The following PCDHA1 variants were observed in gnomAD, a reference collection of about 807,000 sequenced individuals.
PCDHA1 encodes the protein protocadherin alpha 1.
Under a neutral mutation model 61.3 loss-of-function variants are expected in PCDHA1, and 42 were observed. The ratio of observed to expected loss-of-function variants is 0.69; its 90% CI spans 0.54 to 0.89. The LOEUF is 0.89. Among genes scored for constraint, PCDHA1 ranks in the 40% least tolerant of loss-of-function variants. PCDHA1 has a pLI of 0.00. For synonymous variants in PCDHA1, 610 were observed against 553.8 expected, an observed-to-expected ratio of 1.10 and a Z score of -1.43; for missense variants, 1,256 against 1,235.3, an observed-to-expected ratio of 1.02 and a Z score of -0.25.
chr5:140,844,571 T>G (rs1416812482), intron 1 of PCDHA1, among the ~76,000 whole-genome samples: 1 of 149,562 alleles, frequency 6.7e-6, no homozygotes, highest in Non-Finnish European at 1.5e-5. Context: ...TTCAATAATA[T>G]TCCACATTAA....
intron 1 of PCDHA1, chr5:140,836,542 C>A (rs1554136059): frequency 6.2e-7 from 1 of 1,613,774 alleles, no homozygotes; most frequent in African/African-American, 1.3e-5. Context: ...CTGTACACGG[C>A]GTTGCGGTGC....
chr5:140,875,443 G>A, intron 1 of PCDHA1: 1 of 1,580,070 alleles, frequency 6.3e-7, no homozygotes. Flanking sequence ...AAAACTGATT[G>A]TCCCAACTCA....
At position 140,875,345 on chromosome 5, in the gene PCDHA1, A is replaced by T. The variant is rs183266244; in HGVS notation, c.2394+86661A>T. 3,872 of 1,443,290 alleles carry T rather than the reference A, an allele frequency of 2.7e-3. 16 individuals are homozygous for T. The highest frequency in any genetic ancestry group is 0.011 in the African/African-American group (735 of 69,882). 89.4% of individuals were successfully genotyped at this position (1,443,290 alleles called of 1,614,324 possible). On this transcript the variant is annotated intron_variant, in intron 1 of 3. Coordinates refer to ENST00000504120, the MANE Select transcript of PCDHA1 (RefSeq NM_018900.4). ...TTCACGGAATAGGATCGACTCCATA[A>T]TGACTGTGATGCTGGAAAAAATTTA...
intron 1 of PCDHA1, chr5:140,882,990 A>T (rs1554176394): frequency 6.2e-7 from 1 of 1,614,130 alleles, no homozygotes; most frequent in Admixed American, 1.7e-5. Context: ...AACGCCCCGG[A>T]ATTTTACCAA....
intron 1 of PCDHA1, among the ~76,000 whole-genome samples, chr5:140,921,914 TA>T (rs2080487852): frequency 6.6e-6 from 1 of 152,014 alleles, no homozygotes; most frequent in Admixed American, 6.6e-5. Context: ...TATTACATGA[TA>T]AAACTTATAG....
intron 1 of PCDHA1, among the ~76,000 whole-genome samples, chr5:140,819,153 C>T (rs2150103261): frequency 8.5e-5 from 13 of 152,206 alleles, no homozygotes; most frequent in African/African-American, 3.1e-4. Context: ...AATTTTTATA[C>T]AGAATTAATT....
At chr5:140,812,561 T>A (rs1311819080) in intron 1 of PCDHA1, 1 of 152,190 alleles carries the variant, frequency 6.6e-6, no homozygotes, top group African/African-American at 2.4e-5. Flanking sequence ...GTTGTTAAGT[T>A]TTTTATTTGA....
intron 1 of PCDHA1, among the ~76,000 whole-genome samples, chr5:140,913,435 C>T (rs2153526525): frequency 6.6e-6 from 1 of 152,202 alleles, no homozygotes; most frequent in South Asian, 2.1e-4. Context: ...GTAATGCCTC[C>T]TTTTTCAGCT....
At chr5:140,795,752 A>G in intron 1 of PCDHA1, 1 of 1,614,100 alleles carries the variant, frequency 6.2e-7, no homozygotes, top group Non-Finnish European at 8.5e-7. Context: ...TTAGTGGTTA[A>G]GTTAAACGCT....
At chr5:140,796,970 T>C in intron 1 of PCDHA1, 1 of 1,613,684 alleles carries the variant, frequency 6.2e-7, no homozygotes. Context: ...TTAGTGTCGT[T>C]GGTGGAAAGT....
At chr5:140,880,554 A>T (rs546471112) in intron 1 of PCDHA1, among the ~76,000 whole-genome samples, 1 of 152,360 alleles carries the variant, frequency 6.6e-6, no homozygotes, top group South Asian at 2.1e-4. Flanking sequence ...ACTGATGGAA[A>T]TGAGGTTGAG....
At chr5:140,996,590 C>G (rs1325471388) in intron 3 of PCDHA1, among the ~76,000 whole-genome samples, 7 of 152,096 alleles carry the variant, frequency 4.6e-5, no homozygotes, top group African/African-American at 1.7e-4. Context: ...CAAGGGCCGC[C>G]TCCCCCCATT....
chr5:140,877,032 G>A (rs2056800154), intron 1 of PCDHA1: 1 of 1,612,266 alleles, frequency 6.2e-7, no homozygotes, highest in African/African-American at 1.3e-5. Flanking sequence ...TGTACGCGCT[G>A]CAGCCGCTAG....
intron 3 of PCDHA1, among the ~76,000 whole-genome samples, chr5:141,000,634 G>A (rs1554257716): frequency 6.6e-6 from 1 of 150,928 alleles, no homozygotes; most frequent in Non-Finnish European, 1.5e-5. Context: ...CACCATGTTG[G>A]GCAGGCTGGT....
At chr5:140,829,598 G>C (rs782543757) in intron 1 of PCDHA1, 5 of 1,611,978 alleles carry the variant, frequency 3.1e-6, no homozygotes, top group Non-Finnish European at 4.2e-6. Context: ...GGGCGAGCGC[G>C]CGTTGTCGAG....
At chr5:140,983,807 G>A (rs1158459034) in intron 3 of PCDHA1, among the ~76,000 whole-genome samples, 1 of 152,100 alleles carries the variant, frequency 6.6e-6, no homozygotes, top group African/African-American at 2.4e-5. Context: ...TGTGTAAAAG[G>A]TTTTTTCCCA....
chr5:140,849,084 C>T, intron 1 of PCDHA1: 1 of 1,514,880 alleles, frequency 6.6e-7, no homozygotes. Context: ...ACTTGTATTA[C>T]GGAAACTTTT....
intron 1 of PCDHA1, among the ~76,000 whole-genome samples, chr5:140,818,462 T>G (rs1353185349): frequency 3.9e-5 from 6 of 152,212 alleles, no homozygotes; most frequent in African/African-American, 1.2e-4. Flanking sequence ...AAAGAAACTT[T>G]CCTCCCACAA....
rs948530435 is a variant in PCDHA1, at chr5:140,787,999, T to C, written c.1709T>C (p.Val570Ala). 2 of 1,613,796 alleles carry C rather than the reference T, an allele frequency of 1.2e-6. No individual in the cohort carries two copies. The highest frequency in any genetic ancestry group is 8.5e-7 in the Non-Finnish European group (1 of 1,179,842). Residue 570 changes from valine (V) to alanine (A), a missense_variant, in exon 1 of 4, where the codon GTG becomes GCG. By Grantham distance (64) the Val-to-Ala change is moderately conservative. Transcript: ENST00000504120. The stretch of plus-strand genomic sequence containing the variant: ...GCGCCGGCGCTGCTGGCGCCTCGAG[T>C]GGGTGGCACTATTGGTGCAGTCAGT... ...DNAPALLAPRVGGTIGAVSEL... is the reference protein window; with the variant it reads ...DNAPALLAPRAGGTIGAVSEL...
Sources: allele counts gnomAD v4.1 joint callset (sites outside exome capture counted in the v4.1 genomes callset), GRCh38; gene constraint gnomAD v4.1.1; transcripts MANE v1.5; gene names NCBI Gene and HGNC (gene_info 2026-07-23, HGNC 2026-07-21).